The following MYBPC2 variants were observed in gnomAD, a reference collection of about 807,000 sequenced individuals.
MYBPC2 encodes myosin-binding protein C, fast-type.
A neutral mutation model predicts 137.0 loss-of-function variants in MYBPC2; 122 were observed. The ratio of observed to expected loss-of-function variants is 0.89; its 90% CI spans 0.77 to 1.03. MYBPC2 has a LOEUF of 1.03. Among genes scored for constraint, MYBPC2 ranks in the 50% least tolerant of loss-of-function variants. The pLI, the probability that MYBPC2 is intolerant of heterozygous loss-of-function variation, is 0.00. For missense variants in MYBPC2, 1,500 were observed against 1,534.4 expected (o/e 0.98, Z 0.37); for synonymous variants, 626 against 612.3 (o/e 1.02, Z -0.33).
Position 50,441,091 on chromosome 19 carries a change from G to A in MYBPC2, c.769+15G>A, listed in dbSNP as rs180819259. ...GAAGAGTGCAGGTCAGCCCTGGTCT[G>A]GGGGGAGCTGGGCCCTGCACACAAG... On this transcript the variant is annotated intron_variant, in intron 8 of 27. Coordinates refer to ENST00000357701, the MANE Select transcript of MYBPC2 (RefSeq NM_004533.4). The A allele has an allele frequency of 1.9e-6, 3 of 1,566,216 alleles. No homozygotes were observed. The highest frequency in any genetic ancestry group is 1.2e-5 in the South Asian group (1 of 84,532).
chr19:50,458,484 C>T, intron 20 of MYBPC2, 103 bp from the exon 21 acceptor site: 1 of 1,378,466 alleles, frequency 7.3e-7, no homozygotes, highest in Non-Finnish European at 9.7e-7. Flanking sequence ...GGAACTTACT[C>T]AGTGCTCACT....
chr19:50,454,126 A>G lies in MYBPC2; in HGVS notation c.1856A>G (p.Lys619Arg). ...QREDEGRYTI[K>R]VTNPVGEDVA... ...GAAGACGAGGGCCGCTACACCATCA[A>G]GGTCACCAACCCCGTCGGCGAGGAC... The change falls in exon 17 of 28, where the codon AAG (lysine) becomes AGG (arginine). Residue 619 changes from lysine (K) to arginine (R), a missense_variant. Transcript: ENST00000357701. The G allele has an allele frequency of 6.2e-7, 1 of 1,613,490 alleles. No homozygotes were observed. The highest frequency in any genetic ancestry group is 2.2e-5 in the East Asian group (1 of 44,850).
At position 50,450,858 on chromosome 19, in the gene MYBPC2, G is replaced by C. The variant is rs1481702885; in HGVS notation, c.1502G>C (p.Arg501Pro). The change falls in exon 14 of 28, where the codon CGC becomes CCC. Residue 501 changes from arginine to proline, a missense_variant. Arg to Pro is a moderately radical substitution (Grantham distance 103, BLOSUM62 -2). Transcript: ENST00000357701. ...RFHKLVIDDV[R>P]PEDEGDYTFV... Reference sequence around the variant, plus strand: ...CACAAGCTGGTGATCGATGACGTCCGCCCCGAGGATGAGGGAGACTACACG... The same window carrying C: ...CACAAGCTGGTGATCGATGACGTCCCCCCCGAGGATGAGGGAGACTACACG... The C allele has an allele frequency of 1.3e-6, 2 of 1,577,220 alleles. No individual in the cohort carries two copies. The highest frequency in any genetic ancestry group is 1.8e-5 in the Admixed American group (1 of 54,728).
intron 7 of MYBPC2, 108 bp downstream of exon 7, chr19:50,437,826 C>T: frequency 2.4e-6 from 3 of 1,246,756 alleles, no homozygotes; most frequent in Non-Finnish European, 3.4e-6. Context: ...GCTTATCCCT[C>T]TACCACCTCC....
rs150380229 is a variant in MYBPC2, at chr19:50,440,535, A to T, written c.573-345A>T. The stretch of plus-strand genomic sequence containing the variant: ...AAAATTAGCCAGGGGTGGTGGCGTG[A>T]GCCTGTAGTCCCAGCTACTCGGGAG... On this transcript the variant is annotated intron_variant, in intron 7 of 27. Transcript: ENST00000357701. Among the ~76,000 whole-genome samples, 47 of 151,508 alleles carry T rather than the reference A, an allele frequency of 3.1e-4. No individual in the cohort carries two copies. The East Asian group carries it at 9.1e-3, about 29-fold the overall frequency.
At chr19:50,456,256 T>C (rs899514980) in intron 20 of MYBPC2, among the ~76,000 whole-genome samples, 12 of 148,956 alleles carry the variant, frequency 8.1e-5, no homozygotes, top group South Asian at 4.4e-4. Context: ...CATCCATCCA[T>C]CCATCCCTCC....
chr19:50,445,894 T>C lies in MYBPC2; in HGVS notation c.1148T>C (p.Val383Ala). 1 of 1,607,468 alleles carries C rather than the reference T, an allele frequency of 6.2e-7. No homozygotes were observed. Among genetic ancestry groups the C allele is most frequent in the Middle Eastern group, 1.7e-4 (1 of 6,060 alleles). ...CACCCACCTAGGATGAAAGATGGTGTGGAACTGACTCGGGAGGATTCCTTC... is the reference window on the plus strand; with the variant it reads ...CACCCACCTAGGATGAAAGATGGTGCGGAACTGACTCGGGAGGATTCCTTC... Reference protein sequence around the residue: ...GAQVMWMKDGVELTREDSFKA... With the variant: ...GAQVMWMKDGAELTREDSFKA... Residue 383 changes from valine (V) to alanine (A), a missense_variant, in exon 12 of 28, where the codon GTG becomes GCG. Physicochemically the swap from Val to Ala is moderately conservative, Grantham distance 64. Transcript: ENST00000357701.
rs775056269 is a variant in MYBPC2, at chr19:50,454,301, C to T, written c.1946C>T (p.Ser649Leu). ...CCCCCGGAGGCTGTGCGCATCACCT[C>T]GGTTGGAGAGGATTGGGCCATCCTT... ...PDPPEAVRIT[S>L]VGEDWAILVW... The change falls in exon 18 of 28, where the codon TCG becomes TTG. Residue 649 changes from serine (S) to leucine (L), a missense_variant. Ser to Leu is a moderately radical substitution (Grantham distance 145, BLOSUM62 -2). Transcript: ENST00000357701. The T allele has an allele frequency of 6.1e-5, 99 of 1,613,648 alleles. No individual in the cohort carries two copies. The highest frequency in any genetic ancestry group is 7.5e-5 in the Non-Finnish European group (88 of 1,179,848).
At chr19:50,455,906 T>C (rs1439460637) in intron 20 of MYBPC2, among the ~76,000 whole-genome samples, 1 of 152,142 alleles carries the variant, frequency 6.6e-6, no homozygotes. Flanking sequence ...CCATTTATCT[T>C]TTATCTTTTA....
At chr19:50,448,455 A>T (rs1424106691) in intron 13 of MYBPC2, 65 bp downstream of exon 13, 12 of 1,542,718 alleles carry the variant, frequency 7.8e-6, no homozygotes, top group Non-Finnish European at 9.6e-6. Context: ...TTAGCTGTGT[A>T]ACAAGCTGTC....
chr19:50,446,379 G>A lies in MYBPC2; in HGVS notation c.1306+327G>A, dbSNP rs147381313. Among the ~76,000 whole-genome samples, 19 of 151,626 alleles carry A rather than the reference G, an allele frequency of 1.3e-4. No homozygotes were observed. The East Asian group carries it at 3.1e-3, about 25-fold the overall frequency. On this transcript the variant is annotated intron_variant, in intron 12 of 27. Coordinates refer to ENST00000357701, the MANE Select transcript of MYBPC2 (RefSeq NM_004533.4). ...TACAAAAAAATTAGCTGGGCATTGC[G>A]GCGTGCACCTGTAGTCCCAGCTACT...
chr19:50,464,673 GT>G, intron 27 of MYBPC2, 141 bp downstream of exon 27: 2 of 1,036,870 alleles, frequency 1.9e-6, no homozygotes, highest in Non-Finnish European at 2.7e-6. Context: ...GGAAGCTGCT[GT>G]CCTGAAGGCA....
At chr19:50,437,612 G>C in intron 6 of MYBPC2, 47 bp from the exon 7 acceptor site, 1 of 1,592,718 alleles carries the variant, frequency 6.3e-7, no homozygotes, top group Non-Finnish European at 8.6e-7. Flanking sequence ...GAAGGCAAGG[G>C]GTGAATCTGA....
chr19:50,459,360 G>C, intron 23 of MYBPC2, 54 bp downstream of exon 23: 1 of 1,355,448 alleles, frequency 7.4e-7, no homozygotes, highest in East Asian at 2.9e-5. Flanking sequence ...GATGGGCAGC[G>C]ATGGGGGAGG....
intron 26 of MYBPC2, among the ~76,000 whole-genome samples, chr19:50,462,432 C>T (rs765326268): frequency 2.6e-5 from 4 of 152,122 alleles, no homozygotes; most frequent in Non-Finnish European, 5.9e-5. Context: ...GATTCTCCCG[C>T]CTCGGCCTCC....
In MYBPC2 at chr19:50,441,096, G is replaced by T. The variant is rs374476874; in HGVS notation, c.769+20G>T. ...GTGCAGGTCAGCCCTGGTCTGGGGG[G>T]AGCTGGGCCCTGCACACAAGGGACC... On this transcript the variant is annotated intron_variant, in intron 8 of 27. Transcript: ENST00000357701. 1.3e-4 allele frequency: 203 copies of T among 1,563,370 alleles called. No homozygotes were observed. The highest frequency in any genetic ancestry group is 1.6e-4 in the Non-Finnish European group (183 of 1,154,790).
chr19:50,437,338 A>T lies in MYBPC2; in HGVS notation c.464-135A>T, dbSNP rs567686082. The stretch of plus-strand genomic sequence containing the variant: ...TAGAACTAGAGGATGCCCAGGCCTG[A>T]GCAAGGTTGTGCTGGTCCAAGAGAT... On this transcript the variant is annotated intron_variant, in intron 5 of 27. Coordinates refer to ENST00000357701, the MANE Select transcript of MYBPC2 (RefSeq NM_004533.4). 1.7e-4 allele frequency: 167 copies of T among 977,028 alleles called. No individual in the cohort carries two copies. In the East Asian group the frequency reaches 2.5e-3, roughly 14 times the overall value. The allele number at this position is 977,028 out of a possible 1,614,324, so 60.5% of individuals were successfully genotyped here. A position where few individuals can be genotyped will look rare whatever the true frequency, so the allele number is the denominator to read the frequency against.
intron 12 of MYBPC2, among the ~76,000 whole-genome samples, chr19:50,447,138 C>A (rs562500297): frequency 1.3e-5 from 2 of 152,190 alleles, no homozygotes; most frequent in African/African-American, 4.8e-5. Flanking sequence ...CCTCCACCCC[C>A]CAGTACCCGC....
rs1254273252 is a variant in MYBPC2, at chr19:50,435,083, G to A, written c.20-78G>A. On this transcript the variant is annotated intron_variant, in intron 1 of 27. Coordinates refer to ENST00000357701, the MANE Select transcript of MYBPC2 (RefSeq NM_004533.4). This position sits in a 1 kb window ranked among gnomAD's most constrained non-coding sequence, Gnocchi z 4.8. ...GGTCTGAGGGAGGAGGGGCTGGGGG[G>A]TCTGGACTCCTGCGTCTGAGGGAGG... 6 of 701,078 alleles carry A rather than the reference G, an allele frequency of 8.6e-6. No individual in the cohort carries two copies. The highest frequency in any genetic ancestry group is 2.4e-4 in the Middle Eastern group (1 of 4,168). The allele number at this position is 701,078 out of a possible 1,614,324, so 43.4% of individuals were successfully genotyped here. A position where few individuals can be genotyped will look rare whatever the true frequency, so the allele number is the denominator to read the frequency against.
Sources: allele counts gnomAD v4.1 joint callset (sites outside exome capture counted in the v4.1 genomes callset), GRCh38; gene constraint gnomAD v4.1.1; non-coding constraint Gnocchi (gnomAD v3.1); transcripts MANE v1.5; gene names NCBI Gene and HGNC (gene_info 2026-07-23, HGNC 2026-07-21).